The following SPMAP2L variants were observed in gnomAD, a reference collection of about 807,000 sequenced individuals.
SPMAP2L encodes the protein sperm microtubule associated protein 2-like.
chr4:56,537,750 GC>G, the SPMAP2L span, among the ~76,000 whole-genome samples: 22 of 151,124 alleles, frequency 1.5e-4, no homozygotes, highest in Middle Eastern at 3.4e-3. Flanking sequence ...GAGTGCAGTG[GC>G]GCGCGATCTC....
the SPMAP2L span, among the ~76,000 whole-genome samples, chr4:56,555,508 G>A: frequency 6.6e-6 from 1 of 152,050 alleles, no homozygotes; most frequent in African/African-American, 2.4e-5. Context: ...TAACTTGCTA[G>A]GATTTTTACT....
At chr4:56,548,919 G>T in the SPMAP2L span, 1 of 784,964 alleles carries the variant, frequency 1.3e-6, no homozygotes, top group Non-Finnish European at 1.8e-6. Flanking sequence ...CTACCTTGGG[G>T]TTTTCAAAAA....
At chr4:56,610,215 T>G in the SPMAP2L span, among the ~76,000 whole-genome samples, 2 of 152,088 alleles carry the variant, frequency 1.3e-5, no homozygotes, top group Non-Finnish European at 2.9e-5. Context: ...AAGGCCATAG[T>G]CACCAAACAG....
chr4:56,585,691 C>T, the SPMAP2L span, among the ~76,000 whole-genome samples: 1 of 152,146 alleles, frequency 6.6e-6, no homozygotes. Flanking sequence ...TTCTCAAGTT[C>T]TTCAGTTCAC....
the SPMAP2L span, among the ~76,000 whole-genome samples, chr4:56,608,826 CA>C: frequency 2.6e-5 from 4 of 152,284 alleles, no homozygotes; most frequent in South Asian, 8.3e-4. Flanking sequence ...TTGTGCCCAG[CA>C]AAGCCAAGGG....
At chr4:56,592,897 G>A in the SPMAP2L span, 1 of 1,609,002 alleles carries the variant, frequency 6.2e-7, no homozygotes, top group Non-Finnish European at 8.5e-7. Context: ...AGATGCTGCA[G>A]ATCTTGGGGC....
chr4:56,570,455 G>T, the SPMAP2L span, among the ~76,000 whole-genome samples: 1 of 152,198 alleles, frequency 6.6e-6, no homozygotes, highest in Non-Finnish European at 1.5e-5. Context: ...ACAAAGCTGT[G>T]CAGCGTGTTA....
chr4:56,591,978 G>A, the SPMAP2L span, among the ~76,000 whole-genome samples: 1 of 152,244 alleles, frequency 6.6e-6, no homozygotes, highest in East Asian at 1.9e-4. Flanking sequence ...TTTATAGCAG[G>A]GATCCCCAAC....
the SPMAP2L span, chr4:56,559,469 T>C: frequency 6.5e-7 from 1 of 1,533,254 alleles, no homozygotes; most frequent in South Asian, 1.2e-5. Flanking sequence ...ACCAAAAGAC[T>C]TGAGAACCTT....
At chr4:56,582,251 G>A in the SPMAP2L span, among the ~76,000 whole-genome samples, 35 of 152,044 alleles carry the variant, frequency 2.3e-4, 1 homozygote, top group African/African-American at 8.5e-4. Context: ...TACCAAGAGA[G>A]TGAAAAGACA....
At chr4:56,615,530 T>A in the SPMAP2L span, among the ~76,000 whole-genome samples, 1 of 152,074 alleles carries the variant, frequency 6.6e-6, no homozygotes, top group Non-Finnish European at 1.5e-5. Flanking sequence ...GTGGATCACC[T>A]AAGGTCAGGA....
At chr4:56,571,689 A>T in the SPMAP2L span, among the ~76,000 whole-genome samples, 1 of 152,198 alleles carries the variant, frequency 6.6e-6, no homozygotes, top group Non-Finnish European at 1.5e-5. Flanking sequence ...TCTAAAAAAA[A>T]TTAAAAAAAT....
the SPMAP2L span, chr4:56,593,881 T>C: frequency 6.2e-7 from 1 of 1,610,812 alleles, no homozygotes; most frequent in African/African-American, 1.3e-5. Flanking sequence ...AGCATATTGC[T>C]AGGAGAGTAC....
At chr4:56,608,074 G>A in the SPMAP2L span, among the ~76,000 whole-genome samples, 2 of 151,316 alleles carry the variant, frequency 1.3e-5, no homozygotes, top group African/African-American at 2.4e-5. Flanking sequence ...AGATGGAAAT[G>A]AGGAACAAGA....
the SPMAP2L span, among the ~76,000 whole-genome samples, chr4:56,613,471 A>G: frequency 1.5e-3 from 229 of 152,324 alleles, 1 homozygote; most frequent in African/African-American, 5.4e-3. Flanking sequence ...TACCAGGGAC[A>G]TAATGGTGGT....
chr4:56,569,702 G>A, the SPMAP2L span, among the ~76,000 whole-genome samples: 1 of 152,082 alleles, frequency 6.6e-6, no homozygotes, highest in Non-Finnish European at 1.5e-5. Flanking sequence ...AGCTACTCAG[G>A]AGGCTAAGGT....
chr4:56,586,963 A>G, the SPMAP2L span, among the ~76,000 whole-genome samples: 1 of 152,158 alleles, frequency 6.6e-6, no homozygotes. Flanking sequence ...TTGAGCATGG[A>G]TTTTATATGC....
At chr4:56,572,017 C>T in the SPMAP2L span, among the ~76,000 whole-genome samples, 29 of 152,182 alleles carry the variant, frequency 1.9e-4, no homozygotes, top group African/African-American at 6.3e-4. Context: ...TCCTGAAGGA[C>T]CTGTCTGAGG....
At chr4:56,537,829 A>G in the SPMAP2L span, among the ~76,000 whole-genome samples, 2 of 151,940 alleles carry the variant, frequency 1.3e-5, no homozygotes, top group Non-Finnish European at 2.9e-5. Flanking sequence ...AGTAGCTGGG[A>G]CTACAGGTGC....
Sources: allele counts gnomAD v4.1 joint callset (sites outside exome capture counted in the v4.1 genomes callset), GRCh38; gene constraint gnomAD v4.1.1; transcripts MANE v1.5; gene names NCBI Gene and HGNC (gene_info 2026-07-23, HGNC 2026-07-21).